Variants in PLCL2 observed in about 807,000 individuals in gnomAD.
PLCL2 encodes inactive phospholipase C-like protein 2.
Under a neutral mutation model 79.6 loss-of-function variants are expected in PLCL2, and 4 were observed. The observed-to-expected ratio is 0.05, with a 90% CI of 0.02 to 0.11. The LOEUF is 0.11. Ranked by LOEUF, PLCL2 falls within the 10% of genes least tolerant of loss-of-function variation. The probability of loss-of-function intolerance (pLI) is 1.00; values close to 1 mark genes in which losing one functional copy is unlikely to be tolerated. For missense variants in PLCL2, 895 were observed against 1,291.0 expected (o/e 0.69, Z 4.70); for synonymous variants, 484 against 457.7 (o/e 1.06, Z -0.73).
At chr3:17,049,187 TA>T (rs943268366) in intron 4 of PLCL2, among the ~76,000 whole-genome samples, 20 of 151,754 alleles carry the variant, frequency 1.3e-4, no homozygotes, top group Admixed American at 3.3e-4. Flanking sequence ...TAATATGATT[TA>T]AAAAAAAGTG....
chr3:16,951,750 T>C lies in PLCL2; in HGVS notation c.328-57924T>C, dbSNP rs570649680. Among the ~76,000 whole-genome samples, 56 of 152,210 alleles carry C rather than the reference T, an allele frequency of 3.7e-4. 1 individual carries two copies. In the South Asian group the frequency reaches 0.012, roughly 32 times the overall value. On this transcript the variant is annotated intron_variant, in intron 1 of 5. Coordinates refer to ENST00000615277, the MANE Select transcript of PLCL2 (RefSeq NM_001144382.2). ...AACTGCTGGTGATTTTCATTTTCAC[T>C]TTTTTACTTTGACCTAAAAGTTTCT...
At chr3:17,026,075 A>G (rs907609807) in intron 3 of PLCL2, among the ~76,000 whole-genome samples, 6 of 152,214 alleles carry the variant, frequency 3.9e-5, no homozygotes, top group African/African-American at 1.4e-4. Context: ...TTGCTGTGAA[A>G]TAATTAATGC....
chr3:16,991,226 C>T (rs573374896), intron 1 of PLCL2, among the ~76,000 whole-genome samples: 30 of 152,298 alleles, frequency 2.0e-4, no homozygotes, highest in Middle Eastern at 6.8e-3. Flanking sequence ...AGGAACTGAC[C>T]TGCCTGGGTA....
At chr3:17,029,847 C>T (rs2064562145) in intron 3 of PLCL2, among the ~76,000 whole-genome samples, 1 of 152,184 alleles carries the variant, frequency 6.6e-6, no homozygotes, top group Non-Finnish European at 1.5e-5. Flanking sequence ...TTGGGAAATC[C>T]TTGTCTTCAT....
chr3:16,973,678 C>T (rs546668171), intron 1 of PLCL2, among the ~76,000 whole-genome samples: 1 of 152,304 alleles, frequency 6.6e-6, no homozygotes, highest in African/African-American at 2.4e-5. Flanking sequence ...ACCTCTGCTG[C>T]TGTTGTCAGT....
At chr3:17,067,868 T>G in intron 4 of PLCL2, 88 bp from the exon 5 acceptor site, 1 of 677,382 alleles carries the variant, frequency 1.5e-6, no homozygotes, top group East Asian at 2.8e-5. Context: ...GGAATCATTT[T>G]AGCTGTACCT....
intron 1 of PLCL2, among the ~76,000 whole-genome samples, chr3:16,889,610 T>A (rs1016717972): frequency 3.3e-5 from 5 of 152,222 alleles, no homozygotes; most frequent in Non-Finnish European, 7.3e-5. Context: ...GGAGAAACAC[T>A]TTTACTGTCT....
At chr3:17,048,326 C>T (rs2064802953) in intron 4 of PLCL2, among the ~76,000 whole-genome samples, 1 of 151,928 alleles carries the variant, frequency 6.6e-6, no homozygotes, top group South Asian at 2.1e-4. Context: ...TGAGTTTTTT[C>T]AATAAATATA....
At chr3:17,085,094 G>C (rs1023426845) in intron 5 of PLCL2, among the ~76,000 whole-genome samples, 1 of 151,936 alleles carries the variant, frequency 6.6e-6, no homozygotes, top group Non-Finnish European at 1.5e-5. Flanking sequence ...AGGGTTGCAG[G>C]AAACAAGGTT....
At chr3:16,981,325 G>A (rs776564932) in intron 1 of PLCL2, among the ~76,000 whole-genome samples, 29 of 152,154 alleles carry the variant, frequency 1.9e-4, no homozygotes, top group Non-Finnish European at 4.1e-4. Context: ...TATCAGTTAA[G>A]TTTTTTTGTT....
chr3:16,967,452 C>T (rs1035049944), intron 1 of PLCL2, among the ~76,000 whole-genome samples: 2 of 151,994 alleles, frequency 1.3e-5, no homozygotes, highest in South Asian at 2.1e-4. Context: ...TTTTAATAGT[C>T]GCCATTCTGA....
At chr3:16,915,799 T>C (rs1174667089) in intron 1 of PLCL2, among the ~76,000 whole-genome samples, 1 of 152,158 alleles carries the variant, frequency 6.6e-6, no homozygotes, top group Non-Finnish European at 1.5e-5. Context: ...ATGCTTCTGC[T>C]TTGCCTTCCC....
intron 5 of PLCL2, chr3:17,081,288 A>C (rs1575621495): frequency 2.2e-6 from 1 of 456,220 alleles, no homozygotes; most frequent in East Asian, 6.9e-5. Context: ...GTGATTTGGA[A>C]GAAAAGTGTC....
At position 17,010,102 on chromosome 3, in the gene PLCL2, T is replaced by C. The variant is rs1410344078; in HGVS notation, c.756T>C (p.Tyr252=). 3 of 1,614,102 alleles carry C rather than the reference T, an allele frequency of 1.9e-6. No homozygotes were observed. Among genetic ancestry groups the C allele is most frequent in the South Asian group, 1.1e-5 (1 of 91,080 alleles). ...CAGGACTGCGGTACCTAATTTCTTA[T>C]GGAAAACATACACTTGATATGTTAG... ...WVTGLRYLIS[Y]GKHTLDMLES... is the part of the protein sequence containing the mutation. The change falls in exon 2 of 6, where the codon TAT becomes TAC. Residue 252 remains tyrosine, a synonymous_variant. Transcript: ENST00000615277. The surrounding 1 kb of genome is among the most constrained non-coding windows in gnomAD (Gnocchi z 5.8).
intron 1 of PLCL2, among the ~76,000 whole-genome samples, chr3:16,995,223 G>A (rs570097680): frequency 6.6e-6 from 1 of 152,334 alleles, no homozygotes; most frequent in Non-Finnish European, 1.5e-5. Flanking sequence ...TTTATTTAGG[G>A]TGTTAAGGCA....
chr3:16,997,354 G>T (rs114882541), intron 1 of PLCL2, among the ~76,000 whole-genome samples: 33 of 152,226 alleles, frequency 2.2e-4, no homozygotes, highest in African/African-American at 7.2e-4. Flanking sequence ...TATAAATACC[G>T]TAAGAGTTTA....
chr3:16,948,372 G>A (rs1386495871), intron 1 of PLCL2, among the ~76,000 whole-genome samples: 1 of 152,106 alleles, frequency 6.6e-6, no homozygotes, highest in Non-Finnish European at 1.5e-5. Context: ...CGGGGGTTGG[G>A]GGGACAAGGG....
intron 5 of PLCL2, among the ~76,000 whole-genome samples, chr3:17,080,269 A>G (rs932597467): frequency 1.3e-5 from 2 of 152,124 alleles, no homozygotes; most frequent in African/African-American, 4.8e-5. Context: ...TCTTTTTTCA[A>G]CCGTAAGGTT....
chr3:17,043,142 ATACAT>A (rs1334705141), intron 4 of PLCL2, among the ~76,000 whole-genome samples, 193 bp downstream of exon 4: 1 of 152,204 alleles, frequency 6.6e-6, no homozygotes, highest in Non-Finnish European at 1.5e-5. Context: ...ACCATTCAAA[ATACAT>A]TAACATTGGT....
Sources: gnomAD v4.1 joint callset for allele counts (sites outside exome capture counted in the v4.1 genomes callset) on GRCh38, gnomAD v4.1.1 for gene constraint, Gnocchi (gnomAD v3.1) non-coding constraint, MANE v1.5 for transcripts, NCBI Gene and HGNC (gene_info 2026-07-23, HGNC 2026-07-21) for gene names.